The following SEMA3A variants were observed in gnomAD, a reference collection of about 807,000 sequenced individuals.
The protein encoded by SEMA3A is semaphorin 3A, also known as semaphorin-3A.
SEMA3A carries 29 observed loss-of-function variants against 97.9 expected under a neutral mutation model. That is an observed-to-expected ratio of 0.30 (90% CI 0.22 to 0.40). The LOEUF (loss-of-function observed/expected upper bound fraction) is 0.40. SEMA3A is among the 10% of genes least tolerant of loss of function. The pLI is 1.00. For synonymous variants in SEMA3A, 321 were observed against 323.7 expected (o/e 0.99, Z 0.09); for missense variants, 763 against 951.3 (o/e 0.80, Z 2.60).
intron 3 of SEMA3A, among the ~76,000 whole-genome samples, chr7:84,297,490 T>C (rs1326081224): frequency 1.3e-5 from 2 of 152,262 alleles, no homozygotes; most frequent in East Asian, 3.9e-4. Context: ...TGAGATAAAA[T>C]TCCCTAAAAC....
upstream of SEMA3A, among the ~76,000 whole-genome samples, chr7:84,197,720 A>G (rs970596006): frequency 6.9e-6 from 1 of 145,608 alleles, no homozygotes; most frequent in Non-Finnish European, 1.5e-5. Flanking sequence ...CCACTCCTCC[A>G]AAGATCACTC....
chr7:84,473,366 AT>A (rs1226884114), intron 1 of SEMA3A, among the ~76,000 whole-genome samples: 4 of 148,948 alleles, frequency 2.7e-5, no homozygotes, highest in African/African-American at 9.8e-5. Flanking sequence ...TATACTTTAT[AT>A]TTTTGTATTA....
At chr7:84,099,565 G>A (rs905940304) in intron 4 of SEMA3A, among the ~76,000 whole-genome samples, 16 of 152,060 alleles carry the variant, frequency 1.1e-4, no homozygotes, top group Admixed American at 8.5e-4. Flanking sequence ...CAGCTGATTT[G>A]TAAGCTCAGG....
intron 1 of SEMA3A, among the ~76,000 whole-genome samples, chr7:84,140,540 G>C (rs1322411764): frequency 6.6e-6 from 1 of 152,052 alleles, no homozygotes; most frequent in Non-Finnish European, 1.5e-5. Context: ...ATGGCTTTAG[G>C]CTTATGTCCT....
At chr7:84,266,685 A>G (rs528536713) in intron 3 of SEMA3A, among the ~76,000 whole-genome samples, 95 of 152,286 alleles carry the variant, frequency 6.2e-4, no homozygotes, top group African/African-American at 2.2e-3. Context: ...AAATCGCTTT[A>G]GCTGGGGAGT....
chr7:84,261,510 A>G (rs1336026165), intron 3 of SEMA3A, among the ~76,000 whole-genome samples: 4 of 152,174 alleles, frequency 2.6e-5, no homozygotes, highest in Non-Finnish European at 2.9e-5. Context: ...TGGCATCTCC[A>G]TGCTTCCAGG....
intron 1 of SEMA3A, among the ~76,000 whole-genome samples, chr7:84,483,311 T>C (rs1421545527): frequency 1.3e-5 from 2 of 152,136 alleles, no homozygotes. Flanking sequence ...AATTTACCTA[T>C]AGGAAAAATG....
At chr7:83,996,973 A>AAAAGT (rs1790247925) in intron 12 of SEMA3A, among the ~76,000 whole-genome samples, 2 of 152,194 alleles carry the variant, frequency 1.3e-5, no homozygotes, top group Non-Finnish European at 2.9e-5. Flanking sequence ...CATCCCAAAT[A>AAAAGT]AAAGTATATT....
intron 1 of SEMA3A, among the ~76,000 whole-genome samples, chr7:84,407,192 C>G (rs1259155985): frequency 6.6e-6 from 1 of 152,192 alleles, no homozygotes. Context: ...TGATAAGCAA[C>G]TTCAGCAAAG....
intron 2 of SEMA3A, among the ~76,000 whole-genome samples, chr7:84,330,553 C>A (rs944826392): frequency 6.6e-6 from 1 of 151,970 alleles, no homozygotes; most frequent in Non-Finnish European, 1.5e-5. Context: ...AGTAGGAAGG[C>A]ACATGTACAT....
intron 3 of SEMA3A, among the ~76,000 whole-genome samples, chr7:84,265,659 A>G (rs1799977673): frequency 6.6e-6 from 1 of 151,534 alleles, no homozygotes; most frequent in Non-Finnish European, 1.5e-5. Flanking sequence ...CTATTTGTCT[A>G]CCATGCCTGC....
At chr7:84,050,388 A>C in intron 5 of SEMA3A, among the ~76,000 whole-genome samples, 1 of 151,974 alleles carries the variant, frequency 6.6e-6, no homozygotes, top group Non-Finnish European at 1.5e-5. Flanking sequence ...CTGACTTTTT[A>C]ATGATTGCCA....
intron 1 of SEMA3A, among the ~76,000 whole-genome samples, chr7:84,164,949 T>C (rs1797153227): frequency 6.6e-6 from 1 of 152,202 alleles, no homozygotes; most frequent in Non-Finnish European, 1.5e-5. Flanking sequence ...CTCAAAGTAC[T>C]GTAAAACCAA....
At chr7:84,330,453 C>A (rs1801884147) in intron 2 of SEMA3A, among the ~76,000 whole-genome samples, 1 of 152,008 alleles carries the variant, frequency 6.6e-6, no homozygotes, top group African/African-American at 2.4e-5. Flanking sequence ...GATCTACTGA[C>A]TTAAATGTTT....
chr7:84,305,007 T>C (rs1449088060), intron 3 of SEMA3A, among the ~76,000 whole-genome samples: 1 of 151,994 alleles, frequency 6.6e-6, no homozygotes, highest in Non-Finnish European at 1.5e-5. Flanking sequence ...CAAACATATA[T>C]GGAGCCATGT....
intron 1 of SEMA3A, among the ~76,000 whole-genome samples, chr7:84,153,103 C>G (rs1486097063): frequency 6.6e-6 from 1 of 152,090 alleles, no homozygotes; most frequent in African/African-American, 2.4e-5. Context: ...AAATCAGAAT[C>G]TAAAAAATGC....
At chr7:84,288,864 C>CAT (rs1181854895) in intron 3 of SEMA3A, among the ~76,000 whole-genome samples, 1 of 151,964 alleles carries the variant, frequency 6.6e-6, no homozygotes, top group Non-Finnish European at 1.5e-5. Context: ...CTACTGGGTA[C>CAT]ATATCTAAAA....
intron 2 of SEMA3A, among the ~76,000 whole-genome samples, chr7:84,130,653 A>T (rs1303622878): frequency 6.6e-6 from 1 of 152,140 alleles, no homozygotes; most frequent in Admixed American, 6.6e-5. Context: ...AATTTCTAGA[A>T]TGATTGCTGG....
At chr7:84,476,283 C>T (rs1458983581) in intron 1 of SEMA3A, among the ~76,000 whole-genome samples, 3 of 150,584 alleles carry the variant, frequency 2.0e-5, no homozygotes, top group South Asian at 2.1e-4. Context: ...CGCTTCAACC[C>T]GGGAGGCGGA....
Sources: gnomAD v4.1 joint callset for allele counts (sites outside exome capture counted in the v4.1 genomes callset) on GRCh38, gnomAD v4.1.1 for gene constraint, MANE v1.5 for transcripts, NCBI Gene and HGNC (gene_info 2026-07-23, HGNC 2026-07-21) for gene names.